The following CELF2 variants were observed in gnomAD, a reference collection of about 807,000 sequenced individuals.
CELF2 encodes CUG triplet repeat RNA-binding protein 2.
CELF2 carries 8 observed loss-of-function variants against 62.6 expected under a neutral mutation model. That is an observed-to-expected ratio of 0.13 (90% CI 0.07 to 0.23). The LOEUF is 0.23. Ranked by LOEUF, CELF2 falls within the 10% of genes least tolerant of loss-of-function variation. The pLI is 1.00. For missense variants in CELF2, 333 were observed against 671.0 expected (o/e 0.50, Z 5.56); for synonymous variants, 258 against 250.0 (o/e 1.03, Z -0.30).
chr10:11,046,201 A>G lies in CELF2; in HGVS notation c.74+28038A>G, dbSNP rs1482901571. 2.6e-5 allele frequency among the ~76,000 whole-genome samples: 4 copies of G among 152,148 alleles called. No homozygotes were observed. The highest frequency in any genetic ancestry group is 4.4e-5 in the Non-Finnish European group (3 of 68,024). ...AAAATCACGGCACCGCTTGTCTAAC[A>G]ACACCGAACGCTGGGCCCATCCCCA... is the stretch of plus-strand genomic sequence containing the variant. On this transcript the variant is annotated intron_variant, in intron 1 of 12. Transcript: ENST00000633077. This position sits in a 1 kb window ranked among gnomAD's most constrained non-coding sequence, Gnocchi z 4.6.
intron 1 of CELF2, among the ~76,000 whole-genome samples, chr10:10,907,957 C>T (rs1454924769): frequency 1.3e-5 from 2 of 152,124 alleles, no homozygotes; most frequent in Admixed American, 6.5e-5. Flanking sequence ...AGAAAGCTCT[C>T]GGAGTAGTGT....
the CELF2 span, among the ~76,000 whole-genome samples, chr10:10,696,532 C>T: frequency 1.3e-5 from 2 of 151,972 alleles, no homozygotes; most frequent in South Asian, 2.1e-4. Context: ...GGGCTCCACC[C>T]AGTTCGAGCT....
At chr10:11,077,415 T>C (rs565764131) in intron 1 of CELF2, among the ~76,000 whole-genome samples, 1 of 152,356 alleles carries the variant, frequency 6.6e-6, no homozygotes, top group African/African-American at 2.4e-5. Flanking sequence ...AGTCCAGTAC[T>C]GAAGGCATTG....
At chr10:11,320,701 C>T (rs1191841549) in intron 10 of CELF2, among the ~76,000 whole-genome samples, 3 of 152,196 alleles carry the variant, frequency 2.0e-5, no homozygotes, top group Non-Finnish European at 2.9e-5. Context: ...CCTCATCACA[C>T]GGCCTAAGGG....
At chr10:11,326,018 T>C in intron 12 of CELF2, 39 bp downstream of exon 12, 1 of 1,582,456 alleles carries the variant, frequency 6.3e-7, no homozygotes. Context: ...TGCAGTAGGT[T>C]CCCAAGTGAA....
At chr10:10,697,101 C>T in the CELF2 span, among the ~76,000 whole-genome samples, 18 of 147,100 alleles carry the variant, frequency 1.2e-4, no homozygotes, top group African/African-American at 4.4e-4. Context: ...ATGATGATGT[C>T]CTGCTTTAGA....
chr10:10,704,751 C>G, the CELF2 span, among the ~76,000 whole-genome samples: 1 of 152,062 alleles, frequency 6.6e-6, no homozygotes, highest in Non-Finnish European at 1.5e-5. Flanking sequence ...TCTGTTCAGA[C>G]CCAACACGTG....
chr10:10,890,670 A>G (rs1311057384), intron 1 of CELF2, among the ~76,000 whole-genome samples: 5 of 152,204 alleles, frequency 3.3e-5, no homozygotes, highest in Non-Finnish European at 7.3e-5. Context: ...ATCCATGCGC[A>G]AAGTGTTTCT....
the CELF2 span, among the ~76,000 whole-genome samples, chr10:10,695,534 C>G: frequency 6.6e-6 from 1 of 150,738 alleles, no homozygotes; most frequent in South Asian, 2.1e-4. Context: ...TCTGTATTTC[C>G]TGAATCTGAA....
the CELF2 span, among the ~76,000 whole-genome samples, chr10:10,695,920 C>T: frequency 1.3e-5 from 2 of 151,414 alleles, no homozygotes; most frequent in East Asian, 3.9e-4. Context: ...AAATTTTTTT[C>T]AAAGTTTTCA....
intron 1 of CELF2, among the ~76,000 whole-genome samples, chr10:10,873,572 G>T (rs115526451): frequency 6.6e-6 from 1 of 152,158 alleles, no homozygotes; most frequent in Non-Finnish European, 1.5e-5. Flanking sequence ...TGCCCCAAGC[G>T]TATTGTTACC....
At chr10:11,015,576 T>C (rs2057140215), upstream of CELF2, among the ~76,000 whole-genome samples, 1 of 152,260 alleles carries the variant, frequency 6.6e-6, no homozygotes, top group South Asian at 2.1e-4. The surrounding 1 kb of genome is among the most constrained non-coding windows in gnomAD (Gnocchi z 4.8). Flanking sequence ...GAGTGAGTTT[T>C]CTTTTATATT....
intron 1 of CELF2, among the ~76,000 whole-genome samples, chr10:10,891,807 A>G (rs2062165550): frequency 6.6e-6 from 1 of 152,168 alleles, no homozygotes; most frequent in Non-Finnish European, 1.5e-5. Flanking sequence ...TGATCTTGGA[A>G]GAGTCTGTTA....
intron 3 of CELF2, among the ~76,000 whole-genome samples, chr10:11,225,996 G>A (rs1215278957): frequency 3.3e-5 from 5 of 152,180 alleles, no homozygotes; most frequent in East Asian, 1.9e-4. Context: ...ATTAGAAGTC[G>A]TCATTTCTAG....
intron 2 of CELF2, among the ~76,000 whole-genome samples, chr10:10,954,544 C>T (rs2048697686): frequency 6.6e-6 from 1 of 152,132 alleles, no homozygotes; most frequent in South Asian, 2.1e-4. Context: ...CCGCACCTGG[C>T]CAATTTGGCA....
At chr10:10,577,605 C>A in the CELF2 span, among the ~76,000 whole-genome samples, 1 of 150,806 alleles carries the variant, frequency 6.6e-6, no homozygotes, top group East Asian at 2.0e-4. Context: ...TGAGAACATG[C>A]GGTGTTTGTT....
At chr10:11,123,678 A>G (rs894043665) in intron 1 of CELF2, among the ~76,000 whole-genome samples, 3 of 152,228 alleles carry the variant, frequency 2.0e-5, no homozygotes, top group African/African-American at 7.2e-5. Flanking sequence ...TCTTTGCAGA[A>G]AAGAGCCTGC....
chr10:10,617,373 A>G, the CELF2 span, among the ~76,000 whole-genome samples: 2 of 152,156 alleles, frequency 1.3e-5, no homozygotes, highest in African/African-American at 2.4e-5. Context: ...TGGGCACAAG[A>G]GGTTAGGTAA....
the CELF2 span, among the ~76,000 whole-genome samples, chr10:10,713,763 G>A: frequency 2.6e-5 from 4 of 152,272 alleles, no homozygotes; most frequent in East Asian, 5.8e-4. Flanking sequence ...GGCCGGGCAC[G>A]GTGGCTCATG....
Sources: allele counts gnomAD v4.1 joint callset (sites outside exome capture counted in the v4.1 genomes callset), GRCh38; gene constraint gnomAD v4.1.1; non-coding constraint Gnocchi (gnomAD v3.1); transcripts MANE v1.5; gene names NCBI Gene and HGNC (gene_info 2026-07-23, HGNC 2026-07-21).